SLC4A4: variants seen among roughly 807,000 people sequenced by gnomAD.
The protein encoded by SLC4A4 is electrogenic sodium bicarbonate cotransporter 1.
Under a neutral mutation model 111.5 loss-of-function variants are expected in SLC4A4, and 27 were observed. The observed-to-expected ratio is 0.24, with a 90% CI of 0.18 to 0.33. SLC4A4 has a LOEUF of 0.33. SLC4A4 is among the 10% of genes least tolerant of loss of function. SLC4A4 has a pLI of 1.00. For missense variants in SLC4A4, 909 were observed against 1,315.5 expected, an observed-to-expected ratio of 0.69 and a Z score of 4.78; for synonymous variants, 443 against 463.4, an observed-to-expected ratio of 0.96 and a Z score of 0.57.
At chr4:71,220,196 A>G (rs903251866) in intron 1 of SLC4A4, among the ~76,000 whole-genome samples, 19 of 152,338 alleles carry the variant, frequency 1.2e-4, no homozygotes, top group African/African-American at 4.6e-4. Context: ...TGTCCATCAG[A>G]GTTGAGGCAA....
At chr4:71,081,929 G>A (rs768866154) in intron 1 of SLC4A4, among the ~76,000 whole-genome samples, 1 of 152,058 alleles carries the variant, frequency 6.6e-6, no homozygotes, top group Non-Finnish European at 1.5e-5. Context: ...CAAACATATG[G>A]CTGGAATGCC....
At position 71,400,656 on chromosome 4, in the gene SLC4A4, A is replaced by T. The variant is rs111834789; in HGVS notation, c.807+3003A>T. Among the ~76,000 whole-genome samples the T allele has an allele frequency of 9.6e-3, 1,462 of 152,264 alleles. 25 individuals carry two copies. Among genetic ancestry groups the T allele is most frequent in the African/African-American group, 0.034 (1,406 of 41,550 alleles). On this transcript the variant is annotated intron_variant, in intron 7 of 25. Coordinates refer to ENST00000264485, the MANE Select transcript of SLC4A4 (RefSeq NM_001098484.3). ...GAGAGGCTTTTGTAACTAATTCATA[A>T]TCTCTTCTACAACCAAAGGTACAGG...
intron 2 of SLC4A4, among the ~76,000 whole-genome samples, chr4:71,155,533 G>A (rs1482699216): frequency 6.6e-6 from 1 of 152,112 alleles, no homozygotes; most frequent in Non-Finnish European, 1.5e-5. Flanking sequence ...CACCATTATA[G>A]CTCACTGCAG....
chr4:71,062,763 C>T (rs1333087725), exon 1 of SLC4A4, among the ~76,000 whole-genome samples: 1 of 152,058 alleles, frequency 6.6e-6, no homozygotes, highest in African/African-American at 2.4e-5. Flanking sequence ...AACATATTAC[C>T]ACAGACAATT....
chr4:71,383,848 T>C (rs952981239), intron 6 of SLC4A4, among the ~76,000 whole-genome samples: 12 of 152,190 alleles, frequency 7.9e-5, no homozygotes, highest in African/African-American at 2.9e-4. Flanking sequence ...ATTAGGCCCA[T>C]CCAGAAAGGA....
intron 20 of SLC4A4, among the ~76,000 whole-genome samples, chr4:71,554,126 G>A (rs950785889): frequency 6.6e-6 from 1 of 151,828 alleles, no homozygotes; most frequent in African/African-American, 2.4e-5. Context: ...CACAAGGAGA[G>A]GCTGATAGAA....
At chr4:71,409,179 A>G (rs1721137932) in intron 7 of SLC4A4, among the ~76,000 whole-genome samples, 1 of 152,214 alleles carries the variant, frequency 6.6e-6, no homozygotes, top group African/African-American at 2.4e-5. Flanking sequence ...GTAAACTGGT[A>G]CCAGAAGTGG....
chr4:71,136,411 G>A (rs968110676), intron 2 of SLC4A4, among the ~76,000 whole-genome samples: 4 of 152,202 alleles, frequency 2.6e-5, no homozygotes, highest in African/African-American at 9.6e-5. Flanking sequence ...CAGATTTAGA[G>A]CAGAGCTAAT....
At chr4:71,396,064 T>C (rs1719798571) in intron 6 of SLC4A4, among the ~76,000 whole-genome samples, 1 of 152,224 alleles carries the variant, frequency 6.6e-6, no homozygotes, top group Admixed American at 6.5e-5. Context: ...TTGTACCTAG[T>C]GTCTTTTGTA....
intron 2 of SLC4A4, among the ~76,000 whole-genome samples, chr4:71,123,703 G>T (rs1477422989): frequency 6.6e-6 from 1 of 152,150 alleles, no homozygotes; most frequent in East Asian, 1.9e-4. Context: ...ATTCTGTCGT[G>T]TCTTATTTAC....
chr4:71,248,667 C>T (rs932364188), intron 2 of SLC4A4, among the ~76,000 whole-genome samples: 1 of 151,904 alleles, frequency 6.6e-6, no homozygotes, highest in Admixed American at 6.6e-5. Flanking sequence ...AAGATCTTTT[C>T]AAATAATTGA....
intron 1 of SLC4A4, among the ~76,000 whole-genome samples, chr4:71,217,910 T>A (rs575815469): frequency 2.0e-5 from 3 of 152,350 alleles, no homozygotes; most frequent in African/African-American, 2.4e-5. Flanking sequence ...CTTTTCTTCC[T>A]TTTTGGCTTT....
chr4:71,485,931 T>C (rs1007035265), intron 14 of SLC4A4, among the ~76,000 whole-genome samples: 2 of 151,522 alleles, frequency 1.3e-5, no homozygotes, highest in Admixed American at 1.3e-4. Context: ...ATGGATCTCA[T>C]ACTCTAATGT....
intron 1 of SLC4A4, among the ~76,000 whole-genome samples, chr4:71,084,474 T>A (rs1163931256): frequency 6.6e-6 from 1 of 152,062 alleles, no homozygotes; most frequent in Non-Finnish European, 1.5e-5. Context: ...TACATATGTA[T>A]ACATGTGCCA....
At chr4:71,351,368 G>A (rs1385203634) in intron 5 of SLC4A4, among the ~76,000 whole-genome samples, 1 of 152,174 alleles carries the variant, frequency 6.6e-6, no homozygotes, top group Non-Finnish European at 1.5e-5. Flanking sequence ...CTACTTTACA[G>A]ATGATGAAAC....
intron 14 of SLC4A4, among the ~76,000 whole-genome samples, chr4:71,482,861 A>G (rs1210665849): frequency 6.6e-6 from 1 of 151,564 alleles, no homozygotes; most frequent in East Asian, 2.0e-4. Flanking sequence ...GTAAGACAAG[A>G]AAGAATGCTG....
In SLC4A4 at chr4:71,262,836, A is replaced by T. The variant is rs575454975; in HGVS notation, c.253+7437A>T. ...TCATTTCTTTGGGAATAGAAAAATG[A>T]CCTTGTTTTGTGTATCTAGCCAACA... On this transcript the variant is annotated intron_variant, in intron 3 of 25. Coordinates refer to ENST00000264485, the MANE Select transcript of SLC4A4 (RefSeq NM_001098484.3). Among the ~76,000 whole-genome samples the T allele has an allele frequency of 7.3e-5, 11 of 151,618 alleles. No homozygotes were observed. The South Asian group carries it at 1.9e-3, about 26-fold the overall frequency.
chr4:71,379,032 G>T (rs1367701169), intron 6 of SLC4A4, among the ~76,000 whole-genome samples: 2 of 152,028 alleles, frequency 1.3e-5, no homozygotes, highest in Admixed American at 6.5e-5. Context: ...CTCTAATTCA[G>T]GTTTTTATCA....
At position 71,079,362 on chromosome 4, in the gene SLC4A4, A is replaced by T. The variant is rs530140789; in HGVS notation, c.-64-13368A>T. 1.1e-4 allele frequency among the ~76,000 whole-genome samples: 16 copies of T among 152,298 alleles called. No homozygotes were observed. The East Asian group carries it at 2.9e-3, about 28-fold the overall frequency. On this transcript the variant is annotated intron_variant, in intron 1 of 26. Transcript: ENST00000649996. The stretch of plus-strand genomic sequence containing the variant: ...AGGCATCTGTAGCTGTAGAAGGAAC[A>T]CATCCTTTTGTGCTTTGAATTTTAG...
Sources: allele counts gnomAD v4.1 joint callset (sites outside exome capture counted in the v4.1 genomes callset), GRCh38; gene constraint gnomAD v4.1.1; transcripts MANE v1.5; gene names NCBI Gene and HGNC (gene_info 2026-07-23, HGNC 2026-07-21).